HADH: variants seen among roughly 807,000 people sequenced by gnomAD.
HADH encodes hydroxyacyl-CoA dehydrogenase.
Under a neutral mutation model 32.2 loss-of-function variants are expected in HADH, and 24 were observed. That is an observed-to-expected ratio of 0.75 (90% CI 0.54 to 1.05). HADH has a LOEUF of 1.05. HADH is among the 50% of genes least tolerant of loss of function. The pLI is 0.00. For missense variants in HADH, 350 were observed against 397.1 expected (o/e 0.88, Z 1.01); for synonymous variants, 139 against 152.5 (o/e 0.91, Z 0.65).
chr4:108,003,217 A>G (rs1344529657), intron 1 of HADH, among the ~76,000 whole-genome samples: 2 of 152,034 alleles, frequency 1.3e-5, no homozygotes, highest in Non-Finnish European at 2.9e-5. Context: ...TCCAAGATCA[A>G]GGTACCAGCT....
chr4:108,006,659 T>A (rs1436757107), intron 1 of HADH, among the ~76,000 whole-genome samples: 1 of 152,134 alleles, frequency 6.6e-6, no homozygotes, highest in Non-Finnish European at 1.5e-5. Context: ...TTCTAACAAG[T>A]CCCCAGGTGA....
chr4:108,015,357 T>C (rs1735656139), intron 3 of HADH, among the ~76,000 whole-genome samples: 1 of 152,252 alleles, frequency 6.6e-6, no homozygotes, highest in Admixed American at 6.5e-5. Flanking sequence ...ATTGTGGTTT[T>C]AATTTCCATT....
chr4:107,991,798 GT>G (rs1734821649), intron 1 of HADH, among the ~76,000 whole-genome samples: 1 of 152,160 alleles, frequency 6.6e-6, no homozygotes, highest in Non-Finnish European at 1.5e-5. Flanking sequence ...AGAACAATGT[GT>G]TTTTTAGAAA....
At chr4:108,006,172 T>C (rs1735285508) in intron 1 of HADH, among the ~76,000 whole-genome samples, 2 of 152,184 alleles carry the variant, frequency 1.3e-5, no homozygotes, top group South Asian at 4.1e-4. Context: ...GCTTGACCTT[T>C]CCTTAGGGAG....
intron 1 of HADH, among the ~76,000 whole-genome samples, chr4:108,001,480 T>C (rs750036345): frequency 1.3e-5 from 2 of 152,228 alleles, no homozygotes; most frequent in Non-Finnish European, 2.9e-5. Flanking sequence ...TTATTGGCAA[T>C]GTACAGAGCT....
At position 108,034,148 on chromosome 4, in the gene HADH, G is replaced by T. The variant is rs199536661; in HGVS notation, c.827-91G>T. The T allele has an allele frequency of 2.5e-3, 2,208 of 894,234 alleles. 7 individuals are homozygous for T. Among genetic ancestry groups the T allele is most frequent in the Non-Finnish European group, 3.8e-3 (2,021 of 526,048 alleles). The allele number at this position is 894,234 out of a possible 1,614,324, so 55.4% of individuals were successfully genotyped here. A position where few individuals can be genotyped will look rare whatever the true frequency, so the allele number is the denominator to read the frequency against. ...ATGCCTGGGGGGCTCTCCCACATCA[G>T]AGGCAGGCCTCCAGACTTGTCCTTG... On this transcript the variant is annotated intron_variant, in intron 7 of 7. Coordinates refer to ENST00000309522, the MANE Select transcript of HADH (RefSeq NM_005327.7).
chr4:108,034,413 C>G lies in HADH; in HGVS notation c.*56C>G, dbSNP rs560821987. The G allele has an allele frequency of 2.0e-5, 19 of 963,098 alleles. No individual in the cohort carries two copies. In the African/African-American group the frequency reaches 2.7e-4, roughly 14 times the overall value. 59.7% of individuals were successfully genotyped at this position (963,098 alleles called of 1,614,324 possible). ...CCTGAGAGCGCTTTCCAGCCAGTGCCCCGAGTGCCTGTGGGAATGCTCTTT... is the reference window on the plus strand; with the variant it reads ...CCTGAGAGCGCTTTCCAGCCAGTGCGCCGAGTGCCTGTGGGAATGCTCTTT... On this transcript the variant is annotated 3_prime_UTR_variant, in exon 8 of 8. Transcript: ENST00000309522.
chr4:108,002,413 C>G (rs898161710), intron 1 of HADH, among the ~76,000 whole-genome samples: 2 of 152,150 alleles, frequency 1.3e-5, no homozygotes, highest in Non-Finnish European at 2.9e-5. Context: ...TGATCTGTCA[C>G]TGTCTCCCAT....
At chr4:108,004,996 C>A in intron 1 of HADH, 2 of 1,071,784 alleles carry the variant, frequency 1.9e-6, no homozygotes, top group Non-Finnish European at 2.7e-6. Context: ...ATACTGTATT[C>A]AGTTTAAATG....
rs1292107792 is a variant in HADH, at chr4:108,032,707, A to C, written c.710-469A>C. On this transcript the variant is annotated intron_variant, in intron 6 of 7. Transcript: ENST00000309522. ...CGTAGCTTTGAAAATCTTGGGCCAC[A>C]CACTGTGGCTTACACCTGTAATCTT... The C allele has an allele frequency of 9.0e-6, 3 of 331,826 alleles. No individual in the cohort carries two copies. In the Admixed American group the frequency reaches 1.3e-4, roughly 14 times the overall value. The allele number at this position is 331,826 out of a possible 1,614,324, so 20.6% of individuals were successfully genotyped here. A position where few individuals can be genotyped will look rare whatever the true frequency, so the allele number is the denominator to read the frequency against.
At chr4:108,004,835 A>C (rs1735240364) in intron 1 of HADH, 6 of 1,535,870 alleles carry the variant, frequency 3.9e-6, no homozygotes, top group Admixed American at 2.0e-5. Context: ...TGGAGGAAGG[A>C]ACATGACCCT....
In HADH at chr4:108,004,490, C is replaced by G. The variant is rs142109373; in HGVS notation, c.133-5269C>G. 4.1e-3 allele frequency: 1,779 copies of G among 429,764 alleles called. 27 individuals are homozygous for G. The highest frequency in any genetic ancestry group is 0.034 in the African/African-American group (1,653 of 48,894). 26.6% of individuals were successfully genotyped at this position (429,764 alleles called of 1,614,324 possible). A position where few individuals can be genotyped will look rare whatever the true frequency, so the allele number is the denominator to read the frequency against. On this transcript the variant is annotated intron_variant, in intron 1 of 7. Transcript: ENST00000309522. ...CTTGCTGTCCAAGTTGTGGTATACT[C>G]CAGTGCAGCTGCCTGGCTTCCAAGA... is the stretch of plus-strand genomic sequence containing the variant.
intron 1 of HADH, among the ~76,000 whole-genome samples, chr4:107,997,963 A>G (rs1735005663): frequency 6.6e-6 from 1 of 152,232 alleles, no homozygotes. Context: ...TTTCTAAATA[A>G]GAGGTTACGT....
At chr4:107,997,745 G>C (rs1448014311) in intron 1 of HADH, among the ~76,000 whole-genome samples, 1 of 152,046 alleles carries the variant, frequency 6.6e-6, no homozygotes, top group Non-Finnish European at 1.5e-5. Context: ...TCAATGGATT[G>C]ATTTAAATTG....
intron 1 of HADH, among the ~76,000 whole-genome samples, chr4:107,998,739 T>C (rs530448711): frequency 1.3e-5 from 2 of 152,262 alleles, no homozygotes; most frequent in South Asian, 2.1e-4. Context: ...TGTTTTTTTT[T>C]CTTAGTAATA....
intron 4 of HADH, among the ~76,000 whole-genome samples, chr4:108,022,221 GTGTA>G (rs1330163247): frequency 6.7e-5 from 10 of 149,158 alleles, no homozygotes; most frequent in Admixed American, 4.0e-4. Flanking sequence ...GTGTGTGTGT[GTGTA>G]TAGTTGAATG....
intron 1 of HADH, among the ~76,000 whole-genome samples, chr4:107,998,664 A>G (rs951723207): frequency 1.3e-5 from 2 of 152,118 alleles, no homozygotes; most frequent in African/African-American, 2.4e-5. Context: ...GTAGGGAGCT[A>G]CTGGCCTTGT....
At chr4:107,993,494 G>A (rs772320893) in intron 1 of HADH, among the ~76,000 whole-genome samples, 15 of 152,086 alleles carry the variant, frequency 9.9e-5, no homozygotes, top group Non-Finnish European at 1.5e-4. Context: ...GTTAGTCAAG[G>A]TGCAGTTCTG....
At chr4:107,997,533 G>C (rs1362427074) in intron 1 of HADH, among the ~76,000 whole-genome samples, 1 of 152,078 alleles carries the variant, frequency 6.6e-6, no homozygotes, top group African/African-American at 2.4e-5. Flanking sequence ...TGACAAATGT[G>C]CTAGTCACTT....
Sources: allele counts gnomAD v4.1 joint callset (sites outside exome capture counted in the v4.1 genomes callset), GRCh38; gene constraint gnomAD v4.1.1; transcripts MANE v1.5; gene names NCBI Gene and HGNC (gene_info 2026-07-23, HGNC 2026-07-21).